METTL25: variants seen among roughly 807,000 people sequenced by gnomAD.
The protein encoded by METTL25 is probable methyltransferase-like protein 25.
A neutral mutation model predicts 71.6 loss-of-function variants in METTL25; 64 were observed. The ratio of observed to expected loss-of-function variants is 0.89; its 90% CI spans 0.73 to 1.10. The LOEUF is 1.10. Ranked by LOEUF, METTL25 falls within the 50% of genes least tolerant of loss-of-function variation. The pLI is 0.00. For synonymous variants in METTL25, 287 were observed against 250.3 expected (o/e 1.15, Z -1.38); for missense variants, 807 against 707.0 (o/e 1.14, Z -1.60).
chr12:82,409,408 T>C (rs1311762119), intron 5 of METTL25, among the ~76,000 whole-genome samples: 1 of 152,156 alleles, frequency 6.6e-6, no homozygotes, highest in Non-Finnish European at 1.5e-5. Context: ...GTTTACATTA[T>C]TTCTTCTTCT....
chr12:82,360,163 A>G (rs1881641531), intron 1 of METTL25, among the ~76,000 whole-genome samples: 1 of 152,262 alleles, frequency 6.6e-6, no homozygotes, highest in East Asian at 1.9e-4. Flanking sequence ...AAATGAAACT[A>G]CTCTCAAGTT....
At chr12:82,423,151 G>C (rs981016544) in intron 5 of METTL25, among the ~76,000 whole-genome samples, 3 of 152,050 alleles carry the variant, frequency 2.0e-5, no homozygotes, top group Non-Finnish European at 1.5e-5. Flanking sequence ...ATACTACAAG[G>C]CTACAATAAC....
chr12:82,476,455 T>C lies in METTL25; in HGVS notation c.1573-189T>C, dbSNP rs566883562. On this transcript the variant is annotated intron_variant, in intron 9 of 11. Coordinates refer to ENST00000248306, the MANE Select transcript of METTL25 (RefSeq NM_032230.3). ...TATTTATGATGTGCTGCATAACCTA[T>C]ATCAGTGTAAAAATTTTAAGTAATT... The C allele has an allele frequency of 5.0e-4, 271 of 539,234 alleles. 3 individuals carry two copies. The South Asian group carries it at 6.7e-3, about 13-fold the overall frequency. The allele number at this position is 539,234 out of a possible 1,614,324, so 33.4% of individuals were successfully genotyped here.
intron 9 of METTL25, chr12:82,468,901 C>T (rs2137295267): frequency 6.6e-6 from 1 of 152,216 alleles, no homozygotes; most frequent in Middle Eastern, 3.4e-3. Flanking sequence ...ATGCCATCAC[C>T]CCTGCAGAGC....
At chr12:82,460,631 C>G (rs945349151) in intron 9 of METTL25, among the ~76,000 whole-genome samples, 1 of 152,182 alleles carries the variant, frequency 6.6e-6, no homozygotes, top group Non-Finnish European at 1.5e-5. Flanking sequence ...GAGAAACATT[C>G]TACAAAATAC....
intron 1 of METTL25, among the ~76,000 whole-genome samples, chr12:82,384,267 C>G (rs73151445): frequency 0.062 from 9,426 of 152,074 alleles, 341 homozygotes; most frequent in Middle Eastern, 0.12. Context: ...AGCGATTATA[C>G]AAGTACCTAG....
At chr12:82,463,199 C>A (rs889963554) in intron 9 of METTL25, among the ~76,000 whole-genome samples, 1 of 151,974 alleles carries the variant, frequency 6.6e-6, no homozygotes, top group Non-Finnish European at 1.5e-5. Flanking sequence ...ATTTTATATT[C>A]TTTAACAAAT....
chr12:82,399,092 A>G lies in METTL25; in HGVS notation c.829A>G (p.Ile277Val), dbSNP rs775301194. 4.3e-6 allele frequency: 7 copies of G among 1,613,510 alleles called. No individual in the cohort carries two copies. Among genetic ancestry groups the G allele is most frequent in the East Asian group, 2.2e-5 (1 of 44,778 alleles). ...TCAAGAAAAGATGCCTACCTCAGCT[A>G]TTTTGCCTGATTTTTCTGGCTCTGT... Reference protein sequence around the residue: ...TNQEKMPTSAILPDFSGSVIS... With the variant: ...TNQEKMPTSAVLPDFSGSVIS... The change falls in exon 4 of 12, where the codon ATT becomes GTT. Residue 277 changes from isoleucine (I) to valine (V), a missense_variant. Transcript: ENST00000248306.
Position 82,358,816 on chromosome 12 carries a change from G to A in METTL25, c.251G>A (p.Trp84Ter), listed in dbSNP as rs768528552. The change falls in exon 1 of 12, where the codon TGG (tryptophan) becomes TAG (stop). Residue 84 changes from tryptophan to a stop codon, truncating the protein, a stop_gained. Transcript: ENST00000248306. LOFTEE classifies it high-confidence loss of function. ...SETRPLVEAE[W>*]EAGMTDFPKI... Reference sequence around the variant, plus strand: ...ACGCGCCCCCTAGTGGAAGCAGAGTGGGAAGCAGGTGGGTGGTGGGGTAGG... The same window carrying A: ...ACGCGCCCCCTAGTGGAAGCAGAGTAGGAAGCAGGTGGGTGGTGGGGTAGG... 6.2e-7 allele frequency: 1 copy of A among 1,611,880 alleles called. No individual in the cohort carries two copies. The highest frequency in any genetic ancestry group is 8.5e-7 in the Non-Finnish European group (1 of 1,178,650).
At chr12:82,419,097 A>G (rs181178200) in intron 5 of METTL25, among the ~76,000 whole-genome samples, 38 of 152,276 alleles carry the variant, frequency 2.5e-4, no homozygotes, top group African/African-American at 8.9e-4. Context: ...ATGCTGATCA[A>G]GAGGCAGCAG....
intron 9 of METTL25, among the ~76,000 whole-genome samples, chr12:82,461,703 A>G (rs1332021898): frequency 8.4e-5 from 4 of 47,744 alleles, no homozygotes; most frequent in Non-Finnish European, 1.9e-4. Flanking sequence ...AAACTTTGAA[A>G]TAAAGGCAAA....
intron 7 of METTL25, among the ~76,000 whole-genome samples, chr12:82,436,519 A>G (rs1889929209): frequency 1.3e-5 from 2 of 151,548 alleles, no homozygotes; most frequent in African/African-American, 2.4e-5. Context: ...TTATTCCAGT[A>G]ATGCACATTT....
chr12:82,375,313 G>C (rs574012826), intron 1 of METTL25, among the ~76,000 whole-genome samples: 1 of 152,188 alleles, frequency 6.6e-6, no homozygotes, highest in Admixed American at 6.5e-5. Flanking sequence ...CAAGGAAGCT[G>C]ACCACCCCTG....
At chr12:82,373,534 G>T (rs1409413758) in intron 1 of METTL25, among the ~76,000 whole-genome samples, 1 of 152,174 alleles carries the variant, frequency 6.6e-6, no homozygotes, top group Non-Finnish European at 1.5e-5. Flanking sequence ...AGCGGGACTA[G>T]CCTTGGAGAA....
At position 82,399,001 on chromosome 12, in the gene METTL25, G is replaced by T; in HGVS notation, c.738G>T (p.Arg246Ser). ...NGLALKMAKE[R>S]KVQNKVKNKA... ...TAGCATTAAAAATGGCAAAAGAAAGGAAAGTGCAAAATAAAGTTAAAAATA... is the reference window on the plus strand; with the variant it reads ...TAGCATTAAAAATGGCAAAAGAAAGTAAAGTGCAAAATAAAGTTAAAAATA... The change falls in exon 4 of 12, where the codon AGG becomes AGT. Residue 246 changes from arginine (R) to serine (S), a missense_variant. Transcript: ENST00000248306. 1.9e-6 allele frequency: 3 copies of T among 1,608,698 alleles called. No homozygotes were observed. Among genetic ancestry groups the T allele is most frequent in the Non-Finnish European group, 2.5e-6 (3 of 1,177,774 alleles).
chr12:82,360,736 C>G (rs1881744258), intron 1 of METTL25, among the ~76,000 whole-genome samples: 1 of 152,148 alleles, frequency 6.6e-6, no homozygotes, highest in Non-Finnish European at 1.5e-5. Flanking sequence ...TAGGGACTCA[C>G]AAGGAGTATG....
chr12:82,365,707 T>C (rs918638108), intron 1 of METTL25, among the ~76,000 whole-genome samples: 1 of 144,764 alleles, frequency 6.9e-6, no homozygotes, highest in East Asian at 1.9e-4. Flanking sequence ...TCAGGATAGC[T>C]AAAATATTTT....
At chr12:82,360,365 G>A (rs751337371) in intron 1 of METTL25, among the ~76,000 whole-genome samples, 1 of 151,798 alleles carries the variant, frequency 6.6e-6, no homozygotes, top group Non-Finnish European at 1.5e-5. Context: ...TGTTATTGTC[G>A]ATTTGTGGAA....
intron 4 of METTL25, among the ~76,000 whole-genome samples, chr12:82,400,657 C>G (rs982671751): frequency 6.6e-6 from 1 of 151,962 alleles, no homozygotes; most frequent in East Asian, 1.9e-4. Context: ...AATATATGAT[C>G]AAAACTGTAT....
Sources: gnomAD v4.1 joint callset for allele counts (sites outside exome capture counted in the v4.1 genomes callset) on GRCh38, gnomAD v4.1.1 for gene constraint, MANE v1.5 for transcripts, NCBI Gene and HGNC (gene_info 2026-07-23, HGNC 2026-07-21) for gene names.